NDUFB6: variants seen among roughly 807,000 people sequenced by gnomAD.
NDUFB6 encodes NADH:ubiquinone oxidoreductase subunit B6, also known as NADH dehydrogenase [ubiquinone] 1 beta subcomplex subunit 6.
Under a neutral mutation model 17.5 loss-of-function variants are expected in NDUFB6, and 23 were observed. That is an observed-to-expected ratio of 1.31 (90% CI 0.94 to 1.86). The LOEUF is 1.86. NDUFB6 is among the 40% of genes most tolerant of loss of function. The pLI, the probability that NDUFB6 is intolerant of heterozygous loss-of-function variation, is 0.00. For synonymous variants in NDUFB6, 60 were observed against 53.5 expected, an observed-to-expected ratio of 1.12 and a Z score of -0.53; for missense variants, 167 against 153.8, an observed-to-expected ratio of 1.09 and a Z score of -0.46.
chr9:32,566,168 G>A (rs961885147), intron 2 of NDUFB6: 15 of 716,528 alleles, frequency 2.1e-5, no homozygotes, highest in Non-Finnish European at 3.6e-5. Context: ...TTTCACACAG[G>A]CCACTTCCTC....
intron 1 of NDUFB6, among the ~76,000 whole-genome samples, chr9:32,571,975 C>T (rs1821949544): frequency 6.6e-6 from 1 of 152,178 alleles, no homozygotes; most frequent in South Asian, 2.1e-4. Context: ...ACAATATGAA[C>T]TCATATTCAA....
intron 3 of NDUFB6, among the ~76,000 whole-genome samples, chr9:32,557,030 T>G (rs1407059774): frequency 2.0e-5 from 3 of 150,842 alleles, no homozygotes; most frequent in Non-Finnish European, 4.4e-5. Context: ...TTTTGTATTT[T>G]TATTAATAGT....
At chr9:32,560,219 T>A (rs1422239642) in intron 2 of NDUFB6, among the ~76,000 whole-genome samples, 3 of 152,192 alleles carry the variant, frequency 2.0e-5, no homozygotes, top group African/African-American at 7.2e-5. Flanking sequence ...GTAAGGTAAG[T>A]GAGTGGCTCT....
intron 2 of NDUFB6, among the ~76,000 whole-genome samples, chr9:32,563,478 T>TG (rs1821687127): frequency 7.3e-6 from 1 of 136,630 alleles, no homozygotes; most frequent in Admixed American, 7.4e-5. Context: ...CCTGAACAGG[T>TG]GGGACTATTG....
At chr9:32,565,537 T>A (rs569404540) in intron 2 of NDUFB6, 1 of 152,320 alleles carries the variant, frequency 6.6e-6, no homozygotes, top group East Asian at 1.9e-4. Context: ...CCACACCACA[T>A]GAGCAAACCA....
chr9:32,573,066 C>G lies in NDUFB6; in HGVS notation c.-6G>C, dbSNP rs1821980962. 1 of 1,549,938 alleles carries G rather than the reference C, an allele frequency of 6.5e-7. No individual in the cohort carries two copies. The highest frequency in any genetic ancestry group is 1.4e-5 in the African/African-American group (1 of 72,294). ...TCCGGAGTGTACCCCGTCATGTCGC[C>G]GCTGGTACCAACGCAAAAGGACACG... is the stretch of plus-strand genomic sequence containing the variant. On this transcript the variant is annotated 5_prime_UTR_variant, in exon 1 of 4. Coordinates refer to ENST00000379847, the MANE Select transcript of NDUFB6 (RefSeq NM_002493.5).
chr9:32,569,464 C>T (rs1204122386), intron 2 of NDUFB6, among the ~76,000 whole-genome samples: 2 of 151,944 alleles, frequency 1.3e-5, no homozygotes, highest in African/African-American at 2.4e-5. Flanking sequence ...GTGATCCACC[C>T]GCCTCAACCT....
At chr9:32,568,748 A>ATATATTTTTTT (rs1213123923) in intron 2 of NDUFB6, 1 of 114,364 alleles carries the variant, frequency 8.7e-6, no homozygotes, top group African/African-American at 3.9e-5. Context: ...ATATATATAT[A>ATATATTTTTTT]TTTTTTTTTT....
At chr9:32,554,027 C>T (rs777380669) in intron 3 of NDUFB6, 83 bp from the exon 4 acceptor site, 114 of 856,148 alleles carry the variant, frequency 1.3e-4, no homozygotes, top group Non-Finnish European at 2.0e-4. Context: ...TTCATCAGAT[C>T]TCACATGGAA....
rs1227131197 is a variant in NDUFB6 at position 32,564,944 on chromosome 9, AT to A, written c.274-5991del. Among the ~76,000 whole-genome samples, 13 of 152,300 alleles carry A rather than the reference AT, an allele frequency of 8.5e-5. No individual in the cohort carries two copies. The South Asian group carries it at 2.7e-3, about 32-fold the overall frequency. On this transcript the variant is annotated intron_variant, in intron 2 of 3. Coordinates refer to ENST00000379847, the MANE Select transcript of NDUFB6 (RefSeq NM_002493.5). The stretch of plus-strand genomic sequence containing the variant: ...CGGCAGTTTCATGTGGTTCGACATA[AT>A]AGCTATGGCCCTATTCATAGACATT...
At position 32,573,055 on chromosome 9, in the gene NDUFB6, C is replaced by T. The variant is rs1563999738; in HGVS notation, c.6G>A (p.Thr2=). The change falls in exon 1 of 4, where the codon ACG becomes ACA. Residue 2 remains threonine (T), a synonymous_variant. Coordinates refer to ENST00000379847, the MANE Select transcript of NDUFB6 (RefSeq NM_002493.5). ...GCAGTTTCTCATCCGGAGTGTACCCCGTCATGTCGCCGCTGGTACCAACGC... is the reference window on the plus strand; with the variant it reads ...GCAGTTTCTCATCCGGAGTGTACCCTGTCATGTCGCCGCTGGTACCAACGC... M[T]GYTPDEKLRL... is the part of the protein sequence containing the mutation. 6.4e-7 allele frequency: 1 copy of T among 1,564,038 alleles called. No individual in the cohort carries two copies. Among genetic ancestry groups the T allele is most frequent in the Non-Finnish European group, 8.7e-7 (1 of 1,154,414 alleles).
At chr9:32,558,438 A>C (rs1821533371) in intron 3 of NDUFB6, among the ~76,000 whole-genome samples, 1 of 152,200 alleles carries the variant, frequency 6.6e-6, no homozygotes, top group South Asian at 2.1e-4. Context: ...AACACCCATT[A>C]GTGGATATTA....
rs78045271 is a variant in NDUFB6 at position 32,563,005 on chromosome 9, T to G, written c.274-4051A>C. Reference sequence around the variant, plus strand: ...TCTTTAACATTCATGATCTTGACATTTCTGAAGGTATAATGCCAATAATGA... The same window carrying G: ...TCTTTAACATTCATGATCTTGACATGTCTGAAGGTATAATGCCAATAATGA... On this transcript the variant is annotated intron_variant, in intron 2 of 3. Transcript: ENST00000379847. Among the ~76,000 whole-genome samples the G allele has an allele frequency of 4.0e-3, 604 of 152,350 alleles. 1 individual carries two copies. The highest frequency in any genetic ancestry group is 6.0e-3 in the South Asian group (29 of 4,832).
At chr9:32,560,819 T>C (rs2119012080) in intron 2 of NDUFB6, among the ~76,000 whole-genome samples, 1 of 152,314 alleles carries the variant, frequency 6.6e-6, no homozygotes, top group African/African-American at 2.4e-5. Flanking sequence ...TTTTACTAGA[T>C]GCATAGTTTA....
At chr9:32,555,770 T>C (rs1821438411) in intron 3 of NDUFB6, among the ~76,000 whole-genome samples, 1 of 152,198 alleles carries the variant, frequency 6.6e-6, no homozygotes, top group East Asian at 1.9e-4. Context: ...AGATGTGGTC[T>C]AGGTAGATAA....
intron 2 of NDUFB6, chr9:32,568,504 G>A (rs751212370): frequency 2.0e-5 from 4 of 198,294 alleles, no homozygotes; most frequent in Non-Finnish European, 2.3e-5. Flanking sequence ...CAGCGGCATG[G>A]TTTGAAAGGC....
chr9:32,557,610 G>C (rs1821503344), intron 3 of NDUFB6, among the ~76,000 whole-genome samples: 1 of 151,628 alleles, frequency 6.6e-6, no homozygotes, highest in African/African-American at 2.4e-5. Flanking sequence ...ATCCTCAGTA[G>C]CTGGGATTAC....
chr9:32,571,745 A>T (rs1056895838), intron 1 of NDUFB6, among the ~76,000 whole-genome samples: 6 of 107,052 alleles, frequency 5.6e-5, no homozygotes, highest in African/African-American at 1.4e-4. Flanking sequence ...TCGACACATT[A>T]TTATTTATTT....
At chr9:32,557,155 GC>G (rs1821483547) in intron 3 of NDUFB6, among the ~76,000 whole-genome samples, 1 of 130,372 alleles carries the variant, frequency 7.7e-6, no homozygotes, top group East Asian at 2.1e-4. Context: ...ACCGCGCCTG[GC>G]CCCCACTTTT....
Sources: gnomAD v4.1 joint callset for allele counts (sites outside exome capture counted in the v4.1 genomes callset) on GRCh38, gnomAD v4.1.1 for gene constraint, MANE v1.5 for transcripts, NCBI Gene and HGNC (gene_info 2026-07-23, HGNC 2026-07-21) for gene names.